Variants in ERBB4 observed in about 807,000 individuals in gnomAD.
The protein encoded by ERBB4 is erb-b2 receptor tyrosine kinase 4.
ERBB4 carries 42 observed loss-of-function variants against 158.0 expected under a neutral mutation model. The observed-to-expected ratio is 0.27, with a 90% CI of 0.21 to 0.34. ERBB4 has a LOEUF of 0.34. Among genes scored for constraint, ERBB4 ranks in the 10% least tolerant of loss-of-function variants. The probability of loss-of-function intolerance (pLI) is 1.00; values close to 1 mark genes in which losing one functional copy is unlikely to be tolerated. For missense variants in ERBB4, 1,333 were observed against 1,624.1 expected, an observed-to-expected ratio of 0.82 and a Z score of 3.08; for synonymous variants, 583 against 558.7, an observed-to-expected ratio of 1.04 and a Z score of -0.61.
At chr2:211,456,051 C>G (rs190978634) in intron 20 of ERBB4, among the ~76,000 whole-genome samples, 1 of 152,104 alleles carries the variant, frequency 6.6e-6, no homozygotes, top group Admixed American at 6.6e-5. Flanking sequence ...CATGTGCACC[C>G]GAACATACAA....
At chr2:211,525,714 T>C (rs76982548) in intron 20 of ERBB4, among the ~76,000 whole-genome samples, 18,408 of 152,024 alleles carry the variant, frequency 0.12, 1,913 homozygotes, top group African/African-American at 0.28. Context: ...AGCGAGCCCA[T>C]TGCCCCGAAG....
In ERBB4 at chr2:211,383,959, G is replaced by T. The variant is rs1290965391; in HGVS notation, c.3583C>A (p.Pro1195Thr). 6.2e-7 allele frequency: 1 copy of T among 1,614,016 alleles called. No homozygotes were observed. The highest frequency in any genetic ancestry group is 8.5e-7 in the Non-Finnish European group (1 of 1,179,964). ...ACATACTCATCCTCGGCCTTGGGTG[G>T]ACCATTGGATGCATTGTGATATTCG... ...NPEYHNASNGPPKAEDEYVNE... is the reference protein window; with the variant it reads ...NPEYHNASNGTPKAEDEYVNE... The change falls in exon 28 of 28, where the codon CCA becomes ACA. Residue 1195 changes from proline (P) to threonine (T), a missense_variant. Pro to Thr is a conservative substitution (Grantham distance 38). Coordinates refer to ENST00000342788, the MANE Select transcript of ERBB4 (RefSeq NM_005235.3).
At chr2:212,130,226 T>C (rs376136061) in intron 1 of ERBB4, among the ~76,000 whole-genome samples, 2 of 152,226 alleles carry the variant, frequency 1.3e-5, no homozygotes, top group East Asian at 1.9e-4. Flanking sequence ...AGTTCAAGCA[T>C]CAAAAATCCA....
intron 3 of ERBB4, among the ~76,000 whole-genome samples, chr2:211,844,586 T>C (rs887470075): frequency 6.6e-6 from 1 of 152,166 alleles, no homozygotes; most frequent in East Asian, 1.9e-4. Flanking sequence ...AGGGAGAAGC[T>C]TCATAACTTT....
intron 1 of ERBB4, among the ~76,000 whole-genome samples, chr2:212,421,139 A>G (rs1358653082): frequency 6.6e-6 from 1 of 152,140 alleles, no homozygotes; most frequent in Non-Finnish European, 1.5e-5. Flanking sequence ...AAGATGATAT[A>G]TTTCAAAGAA....
intron 1 of ERBB4, among the ~76,000 whole-genome samples, chr2:212,454,450 C>T (rs958593243): frequency 2.0e-5 from 3 of 152,088 alleles, no homozygotes; most frequent in African/African-American, 7.2e-5. Context: ...CACCTCTGCA[C>T]TTGATATATT....
chr2:211,721,936 C>T (rs2074109788), intron 7 of ERBB4, among the ~76,000 whole-genome samples: 1 of 152,116 alleles, frequency 6.6e-6, no homozygotes, highest in African/African-American at 2.4e-5. Context: ...CGTCTCGGCT[C>T]ACTGCAACCT....
In ERBB4 at chr2:211,986,543, T is replaced by C. The variant is rs62183362; in HGVS notation, c.235-38927A>G. On this transcript the variant is annotated intron_variant, in intron 2 of 27. Coordinates refer to ENST00000342788, the MANE Select transcript of ERBB4 (RefSeq NM_005235.3). Reference sequence around the variant, plus strand: ...CGTGAGAGGAAGCCTTACATCAAAATTGATTTCCTTTCACATTCAAGTTAA... The same window carrying C: ...CGTGAGAGGAAGCCTTACATCAAAACTGATTTCCTTTCACATTCAAGTTAA... Among the ~76,000 whole-genome samples, 541 of 152,308 alleles carry C rather than the reference T, an allele frequency of 3.6e-3. 4 individuals are homozygous for C. Among genetic ancestry groups the C allele is most frequent in the Middle Eastern group, 6.8e-3 (2 of 294 alleles).
intron 1 of ERBB4, among the ~76,000 whole-genome samples, chr2:212,156,035 C>G (rs1291547893): frequency 6.6e-6 from 1 of 152,056 alleles, no homozygotes; most frequent in Admixed American, 6.6e-5. Context: ...CCACAGGCTT[C>G]ACCAGACAAG....
chr2:211,915,152 A>G (rs2079652041), intron 3 of ERBB4, among the ~76,000 whole-genome samples: 1 of 152,136 alleles, frequency 6.6e-6, no homozygotes, highest in Non-Finnish European at 1.5e-5. Context: ...ACTTAGTCCC[A>G]AATAGTAATA....
intron 19 of ERBB4, among the ~76,000 whole-genome samples, chr2:211,587,174 G>A (rs1323777109): frequency 6.7e-6 from 1 of 150,292 alleles, no homozygotes; most frequent in Non-Finnish European, 1.5e-5. Context: ...CAAGATGGGT[G>A]AAACCCAATC....
intron 3 of ERBB4, among the ~76,000 whole-genome samples, chr2:211,803,214 A>G (rs114959586): frequency 1.5e-3 from 224 of 152,318 alleles, no homozygotes; most frequent in Middle Eastern, 3.4e-3. Context: ...TTTTCAGAAT[A>G]GTCAAAGAAA....
intron 20 of ERBB4, among the ~76,000 whole-genome samples, chr2:211,498,119 G>A (rs981249941): frequency 5.9e-5 from 9 of 152,186 alleles, no homozygotes; most frequent in Admixed American, 4.6e-4. Flanking sequence ...CTTAGTGAGA[G>A]ACTTCTGTGT....
chr2:212,353,892 A>C (rs565191983), intron 1 of ERBB4, among the ~76,000 whole-genome samples: 2 of 152,274 alleles, frequency 1.3e-5, no homozygotes, highest in Admixed American at 1.3e-4. Flanking sequence ...GTTAAGAAGC[A>C]GTGCACCTCC....
At chr2:212,049,162 A>G (rs2077334836) in intron 2 of ERBB4, among the ~76,000 whole-genome samples, 1 of 152,216 alleles carries the variant, frequency 6.6e-6, no homozygotes, top group African/African-American at 2.4e-5. Flanking sequence ...AGTTTCGTTT[A>G]TAAATCTTTC....
intron 3 of ERBB4, among the ~76,000 whole-genome samples, chr2:211,888,355 C>A (rs189242465): frequency 1.4e-4 from 22 of 152,310 alleles, no homozygotes; most frequent in Non-Finnish European, 2.9e-4. Context: ...TTATACTTAT[C>A]AACCATTGGA....
chr2:211,414,835 T>TATC (rs1257310275), intron 25 of ERBB4, among the ~76,000 whole-genome samples: 1 of 152,060 alleles, frequency 6.6e-6, no homozygotes, highest in Non-Finnish European at 1.5e-5. Context: ...CTCTTTTTCT[T>TATC]ATCATTTGTA....
intron 2 of ERBB4, among the ~76,000 whole-genome samples, chr2:212,032,595 AT>A (rs1319078724): frequency 6.6e-6 from 1 of 152,064 alleles, no homozygotes; most frequent in Non-Finnish European, 1.5e-5. Context: ...AATACTTTAT[AT>A]GTGGATATAA....
At chr2:211,884,358 C>T (rs992368842) in intron 3 of ERBB4, among the ~76,000 whole-genome samples, 1 of 152,154 alleles carries the variant, frequency 6.6e-6, no homozygotes, top group Non-Finnish European at 1.5e-5. Context: ...TCTCCAACAT[C>T]CAGTTCTCCT....
Sources: allele counts gnomAD v4.1 joint callset (sites outside exome capture counted in the v4.1 genomes callset), GRCh38; gene constraint gnomAD v4.1.1; transcripts MANE v1.5; gene names NCBI Gene and HGNC (gene_info 2026-07-23, HGNC 2026-07-21).